The following HLA-DPA1 variants were observed in gnomAD, a reference collection of about 807,000 sequenced individuals.
HLA-DPA1 encodes the protein HLA class II histocompatibility antigen, DP alpha 1 chain.
Under a neutral mutation model 21.5 loss-of-function variants are expected in HLA-DPA1, and 20 were observed. The ratio of observed to expected loss-of-function variants is 0.93; its 90% CI spans 0.66 to 1.35. HLA-DPA1 has a LOEUF of 1.35. Ranked by LOEUF, HLA-DPA1 falls within the 40% of genes most tolerant of loss-of-function variation. The probability of loss-of-function intolerance (pLI) is 0.00; values close to 1 mark genes in which losing one functional copy is unlikely to be tolerated. For missense variants in HLA-DPA1, 279 were observed against 323.0 expected (o/e 0.86, Z 1.05); for synonymous variants, 123 against 129.6 (o/e 0.95, Z 0.35).
intron 1 of HLA-DPA1, among the ~76,000 whole-genome samples, chr6:33,074,249 A>C (rs1319077539): frequency 6.6e-6 from 1 of 152,070 alleles, no homozygotes; most frequent in East Asian, 1.9e-4. Context: ...TTTATTTTTC[A>C]GATTTCTTAG....
At chr6:33,075,727 G>A (rs796194536) in intron 1 of HLA-DPA1, among the ~76,000 whole-genome samples, 12 of 152,296 alleles carry the variant, frequency 7.9e-5, no homozygotes, top group African/African-American at 2.2e-4. Flanking sequence ...TCAGAGCAAA[G>A]AAAACGCATA....
intron 1 of HLA-DPA1, among the ~76,000 whole-genome samples, chr6:33,074,660 G>A (rs151034868): frequency 6.6e-6 from 1 of 152,052 alleles, no homozygotes; most frequent in African/African-American, 2.4e-5. Context: ...AACAGATTAG[G>A]ACATGAGAGA....
chr6:33,068,893 A>G, intron 4 of HLA-DPA1, 89 bp from the exon 4 acceptor site: 1 of 1,542,910 alleles, frequency 6.5e-7, no homozygotes, highest in Non-Finnish European at 8.9e-7. Flanking sequence ...GTTATGGACC[A>G]GTTAATTGGA....
chr6:33,065,905 G>A (rs1042022128), intron 5 of HLA-DPA1: 28 of 134,786 alleles, frequency 2.1e-4, no homozygotes, highest in Non-Finnish European at 3.6e-4. Flanking sequence ...CTCCATTTTT[G>A]TTAAATACTC....
At chr6:33,078,990 G>A (rs1481184894) in intron 1 of HLA-DPA1, among the ~76,000 whole-genome samples, 2 of 152,164 alleles carry the variant, frequency 1.3e-5, no homozygotes, top group Non-Finnish European at 2.9e-5. Flanking sequence ...AAGGCACCAG[G>A]AGAAGAGGCA....
At chr6:33,077,951 A>G (rs1445952081) in intron 1 of HLA-DPA1, among the ~76,000 whole-genome samples, 2 of 152,176 alleles carry the variant, frequency 1.3e-5, no homozygotes, top group Middle Eastern at 3.2e-3. Context: ...AGAACTAACC[A>G]GCAGGACGGC....
At chr6:33,078,971 C>A (rs1762699445) in intron 1 of HLA-DPA1, among the ~76,000 whole-genome samples, 1 of 152,096 alleles carries the variant, frequency 6.6e-6, no homozygotes. Context: ...ATTTTAGGGT[C>A]TGGGGCCCAA....
chr6:33,071,889 A>G (rs550897161), intron 2 of HLA-DPA1, among the ~76,000 whole-genome samples: 11 of 152,196 alleles, frequency 7.2e-5, no homozygotes, highest in Non-Finnish European at 1.0e-4. Flanking sequence ...AAAGTCATCT[A>G]AGGAGAAATA....
rs1762771012 is a variant in HLA-DPA1 at position 33,080,392 on chromosome 6, G to A, written c.-100+288C>T. 1.6e-6 allele frequency: 1 copy of A among 644,358 alleles called. No individual in the cohort carries two copies. The highest frequency in any genetic ancestry group is 1.5e-5 in the South Asian group (1 of 66,030). The allele number at this position is 644,358 out of a possible 1,614,324, so 39.9% of individuals were successfully genotyped here. ...CGCCTCCTCCAGCCACCAGCAGAAGGGACTGCCTTCCCCTCAGTGCTCGCC... is the reference window on the plus strand; with the variant it reads ...CGCCTCCTCCAGCCACCAGCAGAAGAGACTGCCTTCCCCTCAGTGCTCGCC... On this transcript the variant is annotated intron_variant, in intron 1 of 5. Transcript: ENST00000419277. This position sits in a 1 kb window ranked among gnomAD's most constrained non-coding sequence, Gnocchi z 4.3.
exon 3 of HLA-DPA1, chr6:33,069,842 G>A (rs2308907): frequency 6.2e-7 from 1 of 1,610,084 alleles, no homozygotes; most frequent in South Asian, 1.1e-5. Flanking sequence ...TCCCCTGTTG[G>A]TCTATGCGTC....
intron 2 of HLA-DPA1, among the ~76,000 whole-genome samples, chr6:33,071,764 T>A (rs1386817220): frequency 6.6e-6 from 1 of 152,124 alleles, no homozygotes; most frequent in Non-Finnish European, 1.5e-5. Flanking sequence ...GGGGAACAGA[T>A]GGCTTCAATG....
At chr6:33,064,642 A>G (rs1460216773) in exon 6 of HLA-DPA1, 2 of 152,144 alleles carry the variant, frequency 1.3e-5, no homozygotes, top group Non-Finnish European at 2.9e-5. Flanking sequence ...AAATATTGCT[A>G]TAATTACAAT....
intron 2 of HLA-DPA1, among the ~76,000 whole-genome samples, chr6:33,070,989 C>T (rs2301220): frequency 0.29 from 43,437 of 151,986 alleles, 8,137 homozygotes; most frequent in East Asian, 0.66. Flanking sequence ...TGAAAGAAAA[C>T]GATGAATGTG....
chr6:33,069,588 C>A, intron 3 of HLA-DPA1, 53 bp downstream of exon 2: 1 of 1,600,958 alleles, frequency 6.2e-7, no homozygotes, highest in South Asian at 1.1e-5. Context: ...GCAGAGAGGC[C>A]CTCTCATCCC....
At position 33,080,349 on chromosome 6, in the gene HLA-DPA1, C is replaced by CCGT. The variant is rs1214071628; in HGVS notation, c.-100+330_-100+331insACG. On this transcript the variant is annotated intron_variant, in intron 1 of 5. Coordinates refer to ENST00000419277, the Ensembl canonical transcript of HLA-DPA1. The surrounding 1 kb of genome is among the most constrained non-coding windows in gnomAD (Gnocchi z 4.3). ...CCGCCCCTGTTTTTTCTCCCAGTGACCCCACGTGAAACGTCTCCGCCTCCT... is the reference window on the plus strand; with the variant it reads ...CCGCCCCTGTTTTTTCTCCCAGTGACCGTCCCACGTGAAACGTCTCCGCCTCCT... The CCGT allele has an allele frequency of 1.9e-6, 1 of 540,172 alleles. No individual in the cohort carries two copies. The highest frequency in any genetic ancestry group is 3.6e-6 in the Non-Finnish European group (1 of 275,982). 33.5% of individuals were successfully genotyped at this position (540,172 alleles called of 1,614,324 possible). A position where few individuals can be genotyped will look rare whatever the true frequency, so the allele number is the denominator to read the frequency against.
rs148170431 is a variant in HLA-DPA1 at position 33,072,949 on chromosome 6, A to C, written c.100+522T>G. Among the ~76,000 whole-genome samples, 541 of 152,294 alleles carry C rather than the reference A, an allele frequency of 3.6e-3. 3 individuals carry two copies. The highest frequency in any genetic ancestry group is 0.026 in the East Asian group (133 of 5,188). On this transcript the variant is annotated intron_variant, in intron 2 of 5. Coordinates refer to ENST00000419277, the Ensembl canonical transcript of HLA-DPA1. The stretch of plus-strand genomic sequence containing the variant: ...GTCCTAGAAGAGAGGGAGGATACAG[A>C]AACACTCTTTGCACTTCGTCTCCTA...
intron 4 of HLA-DPA1, 107 bp from the exon 4 acceptor site, chr6:33,068,911 A>G: frequency 6.5e-7 from 1 of 1,537,940 alleles, no homozygotes; most frequent in Non-Finnish European, 8.9e-7. Context: ...GGATGTTAGG[A>G]CGAGGAGAGG....
intron 1 of HLA-DPA1, among the ~76,000 whole-genome samples, chr6:33,078,849 A>G (rs1274063744): frequency 2.0e-5 from 3 of 152,220 alleles, no homozygotes; most frequent in Non-Finnish European, 4.4e-5. Context: ...AGACTAACAA[A>G]TGAAAATGGG....
intron 1 of HLA-DPA1, chr6:33,076,113 A>G (rs761566912): frequency 6.8e-6 from 11 of 1,611,724 alleles, no homozygotes; most frequent in Middle Eastern, 1.6e-4. Context: ...TGCTGCTCAC[A>G]TCTGTGGTCC....
Sources: gnomAD v4.1 joint callset for allele counts (sites outside exome capture counted in the v4.1 genomes callset) on GRCh38, gnomAD v4.1.1 for gene constraint, Gnocchi (gnomAD v3.1) non-coding constraint, MANE v1.5 for transcripts, NCBI Gene and HGNC (gene_info 2026-07-23, HGNC 2026-07-21) for gene names.